Variants in PPIH observed in about 807,000 individuals in gnomAD.
PPIH encodes peptidyl-prolyl cis-trans isomerase H.
A neutral mutation model predicts 27.6 loss-of-function variants in PPIH; 16 were observed. That is an observed-to-expected ratio of 0.58 (90% CI 0.39 to 0.88). The LOEUF (loss-of-function observed/expected upper bound fraction) is 0.88, where lower values mean the gene tolerates loss of function less well. Ranked by LOEUF, PPIH falls within the 40% of genes least tolerant of loss-of-function variation. The probability of loss-of-function intolerance (pLI) is 0.00; values close to 1 mark genes in which losing one functional copy is unlikely to be tolerated. For synonymous variants in PPIH, 63 were observed against 76.1 expected, an observed-to-expected ratio of 0.83 and a Z score of 0.90; for missense variants, 155 against 224.1, an observed-to-expected ratio of 0.69 and a Z score of 1.97.
chr1:42,672,411 T>C (rs1250449411), intron 9 of PPIH, among the ~76,000 whole-genome samples: 1 of 151,550 alleles, frequency 6.6e-6, no homozygotes, highest in Non-Finnish European at 1.5e-5. Flanking sequence ...GGAAGTACTC[T>C]CTTGGTGGCA....
At chr1:42,674,304 G>C (rs979638097) in intron 9 of PPIH, among the ~76,000 whole-genome samples, 5 of 152,230 alleles carry the variant, frequency 3.3e-5, no homozygotes, top group African/African-American at 1.2e-4. Flanking sequence ...GGCATTCCAG[G>C]CAGAGGGAAC....
chr1:42,678,385 G>C (rs1385915276), downstream of PPIH, among the ~76,000 whole-genome samples: 1 of 152,104 alleles, frequency 6.6e-6, no homozygotes, highest in Admixed American at 6.6e-5. Context: ...GTGAGGGCAG[G>C]GCAGGATATT....
rs778904948 is a variant in PPIH, at chr1:42,659,210, A to AT, written c.132-12dup. ...TGACATCATAGTGATTGAATCATTC[A>AT]TTTTTTGTCCCTTTCAGGCAGTTCT... On this transcript the variant is annotated splice_polypyrimidine_tract_variant and intron_variant, in intron 2 of 9. Coordinates refer to ENST00000304979, the MANE Select transcript of PPIH (RefSeq NM_006347.4). The AT allele has an allele frequency of 5.0e-6, 8 of 1,613,968 alleles. No individual in the cohort carries two copies. The highest frequency in any genetic ancestry group is 3.3e-5 in the Admixed American group (2 of 60,002).
At chr1:42,659,455 G>T in intron 3 of PPIH, 67 bp from the exon 4 acceptor site, 2 of 1,614,130 alleles carry the variant, frequency 1.2e-6, no homozygotes, top group Non-Finnish European at 1.7e-6. Flanking sequence ...TGGCTCCAGT[G>T]CATGGTAAAC....
At chr1:42,669,318 A>C (rs1649507753) in intron 9 of PPIH, among the ~76,000 whole-genome samples, 1 of 152,218 alleles carries the variant, frequency 6.6e-6, no homozygotes, top group Admixed American at 6.5e-5. Context: ...TTAGAAGTGG[A>C]AAATTCCACA....
At chr1:42,658,634 C>T in intron 1 of PPIH, 122 bp downstream of exon 1, 1 of 1,223,774 alleles carries the variant, frequency 8.2e-7, no homozygotes, top group South Asian at 1.3e-5. Context: ...TGCACCCGAA[C>T]CTACCGACCT....
Position 42,674,956 on chromosome 1 carries a change from G to A in PPIH, c.*22-1628G>A, listed in dbSNP as rs141860931. On this transcript the variant is annotated intron_variant, in intron 9 of 9. Coordinates refer to ENST00000304979, the MANE Select transcript of PPIH (RefSeq NM_006347.4). Reference sequence around the variant, plus strand: ...TGCATTGCAGCCAAGTCTTACACACGTAGAGGTTCCATTCTCTTCAGTGGA... The same window carrying A: ...TGCATTGCAGCCAAGTCTTACACACATAGAGGTTCCATTCTCTTCAGTGGA... 7.7e-4 allele frequency among the ~76,000 whole-genome samples: 118 copies of A among 152,306 alleles called. 1 individual carries two copies. In the East Asian group the frequency reaches 0.011, roughly 15 times the overall value.
At position 42,666,563 on chromosome 1, in the gene PPIH, A is replaced by C; in HGVS notation, c.441A>C (p.Gly147=). The C allele has an allele frequency of 1.2e-6, 2 of 1,613,886 alleles. No individual in the cohort carries two copies. Among genetic ancestry groups the C allele is most frequent in the South Asian group, 2.2e-5 (2 of 91,070 alleles). ...KHVVFGKIID[G]LLVMRKIENV... ...TTCCTACAGGAAAAATCATCGATGG[A>C]CTTCTAGTGATGAGAAAGATTGAGG... is the stretch of plus-strand genomic sequence containing the variant. Residue 147 remains glycine (G), a synonymous_variant, in exon 8 of 10, where the codon GGA becomes GGC. Transcript: ENST00000304979.
chr1:42,662,668 T>C (rs1300467417), intron 5 of PPIH, among the ~76,000 whole-genome samples: 7 of 152,210 alleles, frequency 4.6e-5, no homozygotes, highest in Non-Finnish European at 4.4e-5. Context: ...AGAATATTTG[T>C]TTGTTCATTT....
At chr1:42,681,242 C>A (rs1234524082), downstream of PPIH, 2 of 152,192 alleles carry the variant, frequency 1.3e-5, no homozygotes, top group Non-Finnish European at 2.9e-5. Context: ...CCTCTGCAAC[C>A]CAATGTCACA....
intron 5 of PPIH, among the ~76,000 whole-genome samples, chr1:42,661,246 G>C (rs1277563889): frequency 1.3e-5 from 2 of 152,134 alleles, no homozygotes; most frequent in African/African-American, 4.8e-5. Flanking sequence ...AATCAGCTGT[G>C]GTTTTTGTTT....
At chr1:42,678,023 G>T (rs1197571908), downstream of PPIH, among the ~76,000 whole-genome samples, 1 of 152,194 alleles carries the variant, frequency 6.6e-6, no homozygotes, top group Non-Finnish European at 1.5e-5. Context: ...TTGTTTCAGT[G>T]TATCAGATGA....
chr1:42,676,599 T>G lies in PPIH; in HGVS notation c.*37T>G, dbSNP rs1649897840. ...GCCATTGTAGGCCTTCCCTTCTTCT[T>G]GGTGGTGTTCTTGAGTAAGATAATC... On this transcript the variant is annotated 3_prime_UTR_variant, in exon 10 of 10. Coordinates refer to ENST00000304979, the MANE Select transcript of PPIH (RefSeq NM_006347.4). 3.9e-5 allele frequency: 6 copies of G among 151,932 alleles called. No individual in the cohort carries two copies. The highest frequency in any genetic ancestry group is 3.3e-4 in the Admixed American group (5 of 15,238). The allele number at this position is 151,932 out of a possible 1,614,324, so 9.4% of individuals were successfully genotyped here.
At chr1:42,665,857 T>G (rs1649302306) in intron 6 of PPIH, 123 bp from the exon 7 acceptor site, 1 of 772,014 alleles carries the variant, frequency 1.3e-6, no homozygotes, top group Admixed American at 2.0e-5. Flanking sequence ...TCATAATAGG[T>G]GCTAAGTTAG....
At chr1:42,660,116 G>A (rs1169349814) in intron 4 of PPIH, among the ~76,000 whole-genome samples, 1 of 152,150 alleles carries the variant, frequency 6.6e-6, no homozygotes, top group Non-Finnish European at 1.5e-5. Flanking sequence ...TACAGAGGAG[G>A]AAACTGAGGA....
chr1:42,660,793 CAAT>C, intron 4 of PPIH, 66 bp from the exon 5 acceptor site: 1 of 1,296,150 alleles, frequency 7.7e-7, no homozygotes, highest in Non-Finnish European at 1.1e-6. Context: ...TAATCTAATA[CAAT>C]AATAACAACA....
intron 7 of PPIH, 56 bp downstream of exon 7, chr1:42,666,123 C>T: frequency 6.6e-7 from 1 of 1,519,022 alleles, no homozygotes; most frequent in Non-Finnish European, 9.1e-7. Flanking sequence ...ATGGAACCTC[C>T]AGAGGAGTTA....
At chr1:42,672,928 C>T (rs1305666349) in intron 9 of PPIH, among the ~76,000 whole-genome samples, 2 of 152,070 alleles carry the variant, frequency 1.3e-5, no homozygotes, top group Admixed American at 6.6e-5. Context: ...GGATTACAGG[C>T]GTGAGCCACC....
At chr1:42,669,591 G>C (rs939430825) in intron 9 of PPIH, among the ~76,000 whole-genome samples, 1 of 152,106 alleles carries the variant, frequency 6.6e-6, no homozygotes, top group Non-Finnish European at 1.5e-5. Flanking sequence ...CCCCAACTGA[G>C]CATTAGTTCT....
Sources: gnomAD v4.1 joint callset for allele counts (sites outside exome capture counted in the v4.1 genomes callset) on GRCh38, gnomAD v4.1.1 for gene constraint, MANE v1.5 for transcripts, NCBI Gene and HGNC (gene_info 2026-07-23, HGNC 2026-07-21) for gene names.